Variants in NECTIN2 observed in about 807,000 individuals in gnomAD.
The protein encoded by NECTIN2 is nectin-2.
In NECTIN2, 23 loss-of-function variants were observed where a neutral mutation model predicts 56.9. The ratio of observed to expected loss-of-function variants is 0.40; its 90% CI spans 0.29 to 0.57. The LOEUF is 0.57. Ranked by LOEUF, NECTIN2 falls within the 20% of genes least tolerant of loss-of-function variation. The pLI is 0.38. For missense variants in NECTIN2, 587 were observed against 718.3 expected (o/e 0.82, Z 2.09); for synonymous variants, 302 against 313.8 (o/e 0.96, Z 0.40).
intron 1 of NECTIN2, among the ~76,000 whole-genome samples, chr19:44,862,452 G>A (rs1198942225): frequency 1.4e-5 from 2 of 139,642 alleles, no homozygotes; most frequent in African/African-American, 2.6e-5. Flanking sequence ...ACCTGCACAT[G>A]TATCCTGGAA....
At chr19:44,861,649 C>T (rs1190667660) in intron 1 of NECTIN2, among the ~76,000 whole-genome samples, 4 of 152,054 alleles carry the variant, frequency 2.6e-5, no homozygotes, top group African/African-American at 9.7e-5. Context: ...GGAATTTAAA[C>T]AAATTTACAA....
chr19:44,846,648 G>C (rs1313428382), intron 1 of NECTIN2, 35 bp downstream of exon 1: 2 of 1,516,534 alleles, frequency 1.3e-6, no homozygotes, highest in Non-Finnish European at 1.8e-6. Context: ...CCCTCGCGCG[G>C]ACCCCCTCCA....
At position 44,882,213 on chromosome 19, in the gene NECTIN2, AC is replaced by A; in HGVS notation, c.1050del (p.Asn351ThrfsTer144). ...TCACGCTGTCCCTCTCCTTGCAGAGACCCCCAACACAGCAGGCGCAGGGGCC... is the reference window on the plus strand; with the variant it reads ...TCACGCTGTCCCTCTCCTTGCAGAGACCCCAACACAGCAGGCGCAGGGGCC... The part of the protein sequence containing the change: ...RAEQVIFVRE[T>X]PNTAGAGATG... On this transcript the variant is annotated frameshift_variant, in exon 6 of 9. Transcript: ENST00000252483. LOFTEE classifies it high-confidence loss of function. The A allele has an allele frequency of 6.9e-7, 1 of 1,459,678 alleles. No homozygotes were observed. 90.4% of individuals were successfully genotyped at this position (1,459,678 alleles called of 1,614,324 possible). A position where few individuals can be genotyped will look rare whatever the true frequency, so the allele number is the denominator to read the frequency against.
In NECTIN2 at chr19:44,888,835, C is replaced by T. The variant is rs138864317; in HGVS notation, c.*456C>T. 2.5e-3 allele frequency: 392 copies of T among 159,010 alleles called. 2 individuals are homozygous for T. Among genetic ancestry groups the T allele is most frequent in the African/African-American group, 8.7e-3 (362 of 41,730 alleles). The allele number at this position is 159,010 out of a possible 1,614,324, so 9.8% of individuals were successfully genotyped here. On this transcript the variant is annotated 3_prime_UTR_variant, in exon 9 of 9. Coordinates refer to ENST00000252483, the MANE Select transcript of NECTIN2 (RefSeq NM_001042724.2). ...CTCCAGGCAGCAGGGTCCCACTTACCCCCTCCCCACCCTGTTCCCCAAAGG... is the reference window on the plus strand; with the variant it reads ...CTCCAGGCAGCAGGGTCCCACTTACTCCCTCCCCACCCTGTTCCCCAAAGG...
intron 1 of NECTIN2, among the ~76,000 whole-genome samples, chr19:44,851,010 G>A (rs946149358): frequency 6.6e-6 from 1 of 152,046 alleles, no homozygotes; most frequent in African/African-American, 2.4e-5. Context: ...CCTAGACCCA[G>A]GTGTCCAGCT....
At position 44,888,167 on chromosome 19, in the gene NECTIN2, C is replaced by A. The variant is rs375345903; in HGVS notation, c.1405C>A (p.Pro469Thr). The A allele has an allele frequency of 1.2e-6, 2 of 1,614,030 alleles. No individual in the cohort carries two copies. The highest frequency in any genetic ancestry group is 2.7e-5 in the African/African-American group (2 of 74,914). ...TLEERSGPLH[P>T]GATSLGSPIP... ...GGAAGAACGGTCAGGACCCTTGCAC[C>A]CTGGAGCCACAAGCCTGGGGTCCCC... Residue 469 changes from proline (P) to threonine (T), a missense_variant, in exon 9 of 9, where the codon CCT (proline) becomes ACT (threonine). Pro to Thr is a conservative substitution (Grantham distance 38). Coordinates refer to ENST00000252483, the MANE Select transcript of NECTIN2 (RefSeq NM_001042724.2).
intron 5 of NECTIN2, among the ~76,000 whole-genome samples, chr19:44,880,868 G>A (rs1359237206): frequency 1.2e-4 from 18 of 151,598 alleles, no homozygotes; most frequent in Non-Finnish European, 2.1e-4. Flanking sequence ...CGCTTCCCAG[G>A]TTCAAGCAAT....
chr19:44,876,275 A>G (rs1428632889), intron 5 of NECTIN2, among the ~76,000 whole-genome samples: 1 of 150,450 alleles, frequency 6.6e-6, no homozygotes, highest in Admixed American at 6.6e-5. Context: ...ACAGACACCG[A>G]ACTGGAAATA....
chr19:44,863,905 T>C (rs1243732406), intron 1 of NECTIN2, among the ~76,000 whole-genome samples: 1 of 148,250 alleles, frequency 6.7e-6, no homozygotes, highest in Non-Finnish European at 1.5e-5. Context: ...CATAGGAAGG[T>C]GAGAGAAAGT....
In NECTIN2 at chr19:44,880,129, C is replaced by T. The variant is rs541398622; in HGVS notation, c.1043-2082C>T. ...GAGGCCGATGCATGCGTGACCCCCA[C>T]GGGCCCTTCCATACTTGTTACTTCC... On this transcript the variant is annotated intron_variant, in intron 5 of 8. Coordinates refer to ENST00000252483, the MANE Select transcript of NECTIN2 (RefSeq NM_001042724.2). 1.1e-4 allele frequency among the ~76,000 whole-genome samples: 17 copies of T among 152,308 alleles called. No individual in the cohort carries two copies. In the East Asian group the frequency reaches 3.3e-3, roughly 29 times the overall value.
chr19:44,868,466 C>CTTTTTT (rs71338735), intron 2 of NECTIN2, among the ~76,000 whole-genome samples: 86 of 133,496 alleles, frequency 6.4e-4, no homozygotes, highest in Non-Finnish European at 7.5e-4. Context: ...TTTCCTTTTT[C>CTTTTTT]TTTTTTTTTT....
chr19:44,860,455 G>T (rs1969019256), intron 1 of NECTIN2, among the ~76,000 whole-genome samples: 1 of 152,086 alleles, frequency 6.6e-6, no homozygotes, highest in Non-Finnish European at 1.5e-5. Context: ...GGTTTGCAGT[G>T]AGCAGAAATC....
rs115627066 is a variant in NECTIN2, at chr19:44,856,847, G to A, written c.89-8424G>A. The stretch of plus-strand genomic sequence containing the variant: ...CAGCAATCTCCAGGCCTTCTGTGTG[G>A]GCTGCTACTTCCCAACTGAAATAAC... On this transcript the variant is annotated intron_variant, in intron 1 of 8. Transcript: ENST00000252483. Among the ~76,000 whole-genome samples the A allele has an allele frequency of 7.6e-3, 1,156 of 152,246 alleles. 17 individuals carry two copies. Among genetic ancestry groups the A allele is most frequent in the African/African-American group, 0.027 (1,102 of 41,532 alleles).
chr19:44,846,977 G>T (rs1381737826), intron 1 of NECTIN2, among the ~76,000 whole-genome samples: 1 of 151,960 alleles, frequency 6.6e-6, no homozygotes, highest in Non-Finnish European at 1.5e-5. Flanking sequence ...ACCCGGATCT[G>T]GGTCTCTGTC....
At chr19:44,883,339 A>C (rs1331705131) in intron 6 of NECTIN2, among the ~76,000 whole-genome samples, 4 of 152,014 alleles carry the variant, frequency 2.6e-5, no homozygotes. Flanking sequence ...CCAAGGCGCC[A>C]TCTCGGCTCA....
chr19:44,847,675 C>T (rs922943067), intron 1 of NECTIN2, among the ~76,000 whole-genome samples: 4 of 152,150 alleles, frequency 2.6e-5, no homozygotes, highest in Non-Finnish European at 4.4e-5. Flanking sequence ...GCGACGGAGA[C>T]GTCGCCGGGG....
At chr19:44,857,569 T>C (rs913323024) in intron 1 of NECTIN2, among the ~76,000 whole-genome samples, 2 of 152,024 alleles carry the variant, frequency 1.3e-5, no homozygotes, top group African/African-American at 4.8e-5. Flanking sequence ...GCCCGGGTAA[T>C]GTTTATTTTT....
rs369139670 is a variant in NECTIN2, at chr19:44,847,058, G to A, written c.88+445G>A. The stretch of plus-strand genomic sequence containing the variant: ...CGCAGTAAGGTCTCGAGGAAGAGGC[G>A]AGACCACCTCCCTCCCCTATTTTTC... On this transcript the variant is annotated intron_variant, in intron 1 of 8. Coordinates refer to ENST00000252483, the MANE Select transcript of NECTIN2 (RefSeq NM_001042724.2). 2.8e-4 allele frequency among the ~76,000 whole-genome samples: 42 copies of A among 152,182 alleles called. 1 individual carries two copies. The highest frequency in any genetic ancestry group is 8.7e-4 in the African/African-American group (36 of 41,534).
intron 1 of NECTIN2, among the ~76,000 whole-genome samples, chr19:44,849,250 G>A (rs1161539583): frequency 6.6e-6 from 1 of 152,056 alleles, no homozygotes; most frequent in Non-Finnish European, 1.5e-5. Context: ...GAGGCTGAAA[G>A]ACACTGGAAT....
Sources: allele counts gnomAD v4.1 joint callset (sites outside exome capture counted in the v4.1 genomes callset), GRCh38; gene constraint gnomAD v4.1.1; transcripts MANE v1.5; gene names NCBI Gene and HGNC (gene_info 2026-07-23, HGNC 2026-07-21).